Variants in BANP observed in about 807,000 individuals in gnomAD.
The protein encoded by BANP is BTG3 associated nuclear protein.
In BANP, 11 loss-of-function variants were observed where a neutral mutation model predicts 68.1. That is an observed-to-expected ratio of 0.16 (90% CI 0.10 to 0.27). The LOEUF is 0.27. Ranked by LOEUF, BANP falls within the 10% of genes least tolerant of loss-of-function variation. The pLI, the probability that BANP is intolerant of heterozygous loss-of-function variation, is 1.00. For missense variants in BANP, 504 were observed against 722.7 expected (o/e 0.70, Z 3.47); for synonymous variants, 329 against 303.2 (o/e 1.09, Z -0.88).
chr16:87,983,389 G>C (rs1384779457), intron 3 of BANP, among the ~76,000 whole-genome samples: 3 of 152,192 alleles, frequency 2.0e-5, no homozygotes, highest in Admixed American at 2.0e-4. Flanking sequence ...ACGGCAGCTG[G>C]GGAAATGAAA....
At chr16:88,027,354 C>T (rs1432374303) in intron 7 of BANP, 129 bp from the exon 8 acceptor site, 16 of 1,007,922 alleles carry the variant, frequency 1.6e-5, no homozygotes, top group South Asian at 7.8e-5. Context: ...TGCAGGAAGA[C>T]GGGGCCGGCC....
At chr16:88,047,030 C>T (rs936772373) in intron 11 of BANP, among the ~76,000 whole-genome samples, 1 of 151,568 alleles carries the variant, frequency 6.6e-6, no homozygotes, top group Non-Finnish European at 1.5e-5. Context: ...TGCGCCATTG[C>T]ATTCCAGCCT....
intron 4 of BANP, among the ~76,000 whole-genome samples, chr16:87,987,576 A>G (rs2064764383): frequency 6.6e-6 from 1 of 151,734 alleles, no homozygotes; most frequent in Non-Finnish European, 1.5e-5. Flanking sequence ...AAATAAAAAA[A>G]ATTAGCTGGG....
intron 4 of BANP, among the ~76,000 whole-genome samples, chr16:87,995,431 C>T (rs1193313139): frequency 6.6e-6 from 1 of 152,172 alleles, no homozygotes; most frequent in Admixed American, 6.5e-5. Flanking sequence ...GGAACAGGTA[C>T]TGGAGTTTAA....
At position 87,953,055 on chromosome 16, in the gene BANP, G is replaced by C. The variant is rs554945662; in HGVS notation, c.-69+1540G>C. On this transcript the variant is annotated intron_variant, in intron 1 of 13. Coordinates refer to ENST00000682872, the MANE Select transcript of BANP (RefSeq NM_001386991.1). ...CTGCGTGGGGGCAGCTCAACATCTCGGGTGCTTCATCATGACCCAGGAGGC... is the reference window on the plus strand; with the variant it reads ...CTGCGTGGGGGCAGCTCAACATCTCCGGTGCTTCATCATGACCCAGGAGGC... 1.1e-4 allele frequency among the ~76,000 whole-genome samples: 17 copies of C among 152,174 alleles called. No homozygotes were observed. In the South Asian group the frequency reaches 2.1e-3, roughly 19 times the overall value.
chr16:87,983,614 G>A (rs28599942), intron 3 of BANP, among the ~76,000 whole-genome samples: 54,098 of 151,806 alleles, frequency 0.36, 10,828 homozygotes, highest in Non-Finnish European at 0.47. Flanking sequence ...GCCACAGGGG[G>A]TCCCGTCACC....
chr16:88,027,111 C>T (rs185083835), intron 7 of BANP, among the ~76,000 whole-genome samples: 2 of 152,356 alleles, frequency 1.3e-5, no homozygotes, highest in Non-Finnish European at 2.9e-5. Context: ...CATTCAGGAC[C>T]TTGGGTGCTG....
chr16:88,070,289 G>A (rs1000992966), intron 12 of BANP, among the ~76,000 whole-genome samples: 6 of 152,220 alleles, frequency 3.9e-5, no homozygotes, highest in Middle Eastern at 6.8e-3. Context: ...GTGTTCAAGG[G>A]CCAGCTGCAC....
At chr16:88,017,612 G>A (rs2074887179) in intron 6 of BANP, among the ~76,000 whole-genome samples, 2 of 152,358 alleles carry the variant, frequency 1.3e-5, no homozygotes, top group Middle Eastern at 6.8e-3. Flanking sequence ...ACGCTTGGGA[G>A]GGAGGGAGGC....
At chr16:87,993,267 G>A (rs931159102) in intron 4 of BANP, among the ~76,000 whole-genome samples, 10 of 152,192 alleles carry the variant, frequency 6.6e-5, no homozygotes, top group African/African-American at 2.4e-4. Flanking sequence ...CCTGCACTTG[G>A]GAAGGAAGCT....
At chr16:88,068,425 C>T (rs1306677433) in intron 12 of BANP, among the ~76,000 whole-genome samples, 2 of 152,222 alleles carry the variant, frequency 1.3e-5, no homozygotes, top group Non-Finnish European at 1.5e-5. Context: ...AGGCCTCGGC[C>T]TGGTGGGAAT....
chr16:87,965,348 C>T (rs2145206931), intron 1 of BANP, among the ~76,000 whole-genome samples: 1 of 146,438 alleles, frequency 6.8e-6, no homozygotes, highest in African/African-American at 2.5e-5. Context: ...CAAGTACAGG[C>T]GGGGCTTCTG....
At position 88,004,935 on chromosome 16, in the gene BANP, C is replaced by G. The variant is rs562397936; in HGVS notation, c.479+524C>G. 4.3e-3 allele frequency among the ~76,000 whole-genome samples: 657 copies of G among 152,294 alleles called. 6 individuals are homozygous for G. The highest frequency in any genetic ancestry group is 7.4e-3 in the Non-Finnish European group (504 of 68,026). ...TGTGAGGGGAAGGCTGTGCAGTGGC[C>G]TCTGGCTGGCATCCAAGCCCTGCTG... On this transcript the variant is annotated intron_variant, in intron 5 of 13. Coordinates refer to ENST00000682872, the MANE Select transcript of BANP (RefSeq NM_001386991.1). This position sits in a 1 kb window ranked among gnomAD's most constrained non-coding sequence, Gnocchi z 7.0.
chr16:87,995,731 G>A (rs1339994724), intron 4 of BANP, among the ~76,000 whole-genome samples: 1 of 152,242 alleles, frequency 6.6e-6, no homozygotes, highest in African/African-American at 2.4e-5. Context: ...TCTCCCTGCT[G>A]TAGAAAACAG....
chr16:87,985,273 G>A (rs916378141), intron 4 of BANP, among the ~76,000 whole-genome samples: 69 of 152,270 alleles, frequency 4.5e-4, no homozygotes, highest in African/African-American at 1.5e-3. Flanking sequence ...AACGCTACCC[G>A]GCCGTCTTCC....
intron 7 of BANP, among the ~76,000 whole-genome samples, chr16:88,019,482 T>TGATCTC (rs1298010031): frequency 6.7e-6 from 1 of 150,122 alleles, no homozygotes. Context: ...AATGTAAATC[T>TGATCTC]GATCTCGAAA....
chr16:87,966,282 G>A (rs1285652948), intron 1 of BANP, among the ~76,000 whole-genome samples: 2 of 152,176 alleles, frequency 1.3e-5, no homozygotes, highest in African/African-American at 4.8e-5. Flanking sequence ...TATGCGCCCT[G>A]AGCCCTGCAT....
intron 1 of BANP, among the ~76,000 whole-genome samples, chr16:87,955,537 G>A (rs1016964126): frequency 6.6e-6 from 1 of 152,142 alleles, no homozygotes; most frequent in African/African-American, 2.4e-5. Flanking sequence ...GACCTTATTC[G>A]AACTTCGGTT....
chr16:87,974,279 G>A (rs765997430), intron 1 of BANP, among the ~76,000 whole-genome samples: 7 of 152,140 alleles, frequency 4.6e-5, no homozygotes, highest in Non-Finnish European at 1.0e-4. Flanking sequence ...TTTTACTTTG[G>A]AAAATAAGTT....
Sources: gnomAD v4.1 joint callset for allele counts (sites outside exome capture counted in the v4.1 genomes callset) on GRCh38, gnomAD v4.1.1 for gene constraint, Gnocchi (gnomAD v3.1) non-coding constraint, MANE v1.5 for transcripts, NCBI Gene and HGNC (gene_info 2026-07-23, HGNC 2026-07-21) for gene names.